The following NALF1 variants were observed in gnomAD, a reference collection of about 807,000 sequenced individuals.
The protein encoded by NALF1 is NALCN channel auxiliary factor 1.
Under a neutral mutation model 48.4 loss-of-function variants are expected in NALF1, and 3 were observed. The ratio of observed to expected loss-of-function variants is 0.06; its 90% CI spans 0.03 to 0.16. NALF1 has a LOEUF of 0.16. NALF1 is among the 10% of genes least tolerant of loss of function. The probability of loss-of-function intolerance (pLI) is 1.00; values close to 1 mark genes in which losing one functional copy is unlikely to be tolerated. For synonymous variants in NALF1, 262 were observed against 245.7 expected (o/e 1.07, Z -0.62); for missense variants, 526 against 571.5 (o/e 0.92, Z 0.81).
intron 1 of NALF1, among the ~76,000 whole-genome samples, chr13:107,278,325 A>T (rs1374436980): frequency 6.6e-6 from 1 of 152,214 alleles, no homozygotes; most frequent in Non-Finnish European, 1.5e-5. Flanking sequence ...TAGACTTTTT[A>T]AAAAATTGGA....
At chr13:107,556,338 CATAT>C (rs770324548) in intron 1 of NALF1, among the ~76,000 whole-genome samples, 15 of 147,586 alleles carry the variant, frequency 1.0e-4, no homozygotes, top group South Asian at 2.1e-4. Context: ...TATACACACA[CATAT>C]ATATATATAG....
intron 1 of NALF1, among the ~76,000 whole-genome samples, chr13:107,456,721 C>A (rs931398363): frequency 1.3e-5 from 2 of 152,132 alleles, no homozygotes; most frequent in Non-Finnish European, 2.9e-5. Context: ...TCCTAGACTT[C>A]AATGCTAGGA....
At chr13:107,746,481 C>T (rs1187812769) in intron 1 of NALF1, among the ~76,000 whole-genome samples, 1 of 152,120 alleles carries the variant, frequency 6.6e-6, no homozygotes, top group East Asian at 1.9e-4. Context: ...TGATTTTTCA[C>T]TGTTTAGTAC....
chr13:107,337,043 CAAAAAAAAAAAAAAAAAAA>C (rs60969406), intron 1 of NALF1, among the ~76,000 whole-genome samples: 3 of 114,824 alleles, frequency 2.6e-5, no homozygotes, highest in Non-Finnish European at 3.4e-5. Context: ...TTTCATTCCC[CAAAAAAAAAAAAAAAAAAA>C]AAAAAAAAAA....
rs552388927 is a variant in NALF1 at position 107,800,235 on chromosome 13, T to C, written c.915+65447A>G. Among the ~76,000 whole-genome samples the C allele has an allele frequency of 5.3e-5, 8 of 152,308 alleles. No homozygotes were observed. In the South Asian group the frequency reaches 1.7e-3, roughly 32 times the overall value. ...TTTACAATTGCACTTTGCCTGGCTGTCGTGAACATGAAAATTAAAGACTGA... is the reference window on the plus strand; with the variant it reads ...TTTACAATTGCACTTTGCCTGGCTGCCGTGAACATGAAAATTAAAGACTGA... On this transcript the variant is annotated intron_variant, in intron 1 of 2. Coordinates refer to ENST00000375915, the MANE Select transcript of NALF1 (RefSeq NM_001080396.3).
chr13:107,501,085 T>G (rs955831995), intron 1 of NALF1, among the ~76,000 whole-genome samples: 1 of 151,826 alleles, frequency 6.6e-6, no homozygotes, highest in Non-Finnish European at 1.5e-5. Flanking sequence ...ACATGTACCC[T>G]AAAACTTAAA....
intron 1 of NALF1, among the ~76,000 whole-genome samples, chr13:107,423,835 T>C (rs1884233535): frequency 6.6e-6 from 1 of 152,210 alleles, no homozygotes. Flanking sequence ...ACATAAGACA[T>C]ATGTATGATC....
chr13:107,546,837 T>A (rs926723976), intron 1 of NALF1, among the ~76,000 whole-genome samples: 3 of 152,174 alleles, frequency 2.0e-5, no homozygotes, highest in African/African-American at 7.2e-5. Context: ...GCACTCAGTA[T>A]ACTTGAGTGC....
intron 1 of NALF1, among the ~76,000 whole-genome samples, chr13:107,852,642 T>C (rs1307471541): frequency 6.6e-6 from 1 of 152,236 alleles, no homozygotes; most frequent in Admixed American, 6.5e-5. Flanking sequence ...GTCTGATTCA[T>C]GTGCTCATTC....
chr13:107,651,529 C>T (rs1880451784), intron 1 of NALF1, among the ~76,000 whole-genome samples: 1 of 152,164 alleles, frequency 6.6e-6, no homozygotes, highest in African/African-American at 2.4e-5. Context: ...AATGCTGTTG[C>T]AATAATGAAA....
intron 1 of NALF1, among the ~76,000 whole-genome samples, chr13:107,315,359 C>T (rs1314795493): frequency 2.0e-5 from 3 of 152,086 alleles, no homozygotes; most frequent in Non-Finnish European, 4.4e-5. Flanking sequence ...GTGATGGATG[C>T]AGCCAAACTC....
chr13:107,805,894 C>G (rs533999596), intron 1 of NALF1, among the ~76,000 whole-genome samples: 1 of 152,004 alleles, frequency 6.6e-6, no homozygotes, highest in East Asian at 1.9e-4. Flanking sequence ...CACAAAATCA[C>G]GGAAAAAATA....
chr13:107,379,067 C>T (rs11838550), intron 1 of NALF1, among the ~76,000 whole-genome samples: 10,321 of 152,174 alleles, frequency 0.068, 1,169 homozygotes, highest in African/African-American at 0.23. Flanking sequence ...TTATTGTACC[C>T]TGAAGAAATA....
intron 1 of NALF1, among the ~76,000 whole-genome samples, chr13:107,806,508 C>T (rs1878795425): frequency 6.6e-6 from 1 of 151,962 alleles, no homozygotes; most frequent in Non-Finnish European, 1.5e-5. Context: ...ATATGATGAG[C>T]TTTGAACAGC....
intron 1 of NALF1, among the ~76,000 whole-genome samples, chr13:107,347,314 T>G (rs1234546111): frequency 6.6e-6 from 1 of 152,246 alleles, no homozygotes; most frequent in Non-Finnish European, 1.5e-5. Flanking sequence ...CACCACCAAC[T>G]GTGTAGCACC....
At chr13:107,474,957 G>A (rs947241033) in intron 1 of NALF1, among the ~76,000 whole-genome samples, 1 of 152,052 alleles carries the variant, frequency 6.6e-6, no homozygotes, top group African/African-American at 2.4e-5. Flanking sequence ...CTTTTAATGA[G>A]GCTGTCACAT....
At chr13:107,232,308 T>C (rs766708558) in intron 1 of NALF1, among the ~76,000 whole-genome samples, 2 of 152,140 alleles carry the variant, frequency 1.3e-5, no homozygotes, top group Non-Finnish European at 2.9e-5. Flanking sequence ...GGTAAGACTA[T>C]CTGATAAAGG....
At position 107,390,766 on chromosome 13, in the gene NALF1, A is replaced by T. The variant is rs531296513; in HGVS notation, c.916-180011T>A. 2.6e-5 allele frequency among the ~76,000 whole-genome samples: 4 copies of T among 152,236 alleles called. No homozygotes were observed. The East Asian group carries it at 7.7e-4, about 29-fold the overall frequency. The stretch of plus-strand genomic sequence containing the variant: ...GATAAAGTAAATTGCCAGACTTCAC[A>T]TAAAAAGGGCAGCCAGAAGTTGCAG... On this transcript the variant is annotated intron_variant, in intron 1 of 2. Coordinates refer to ENST00000375915, the MANE Select transcript of NALF1 (RefSeq NM_001080396.3).
chr13:107,843,787 A>G (rs1880102572), intron 1 of NALF1, among the ~76,000 whole-genome samples: 1 of 152,194 alleles, frequency 6.6e-6, no homozygotes, highest in African/African-American at 2.4e-5. Context: ...AACATAAGCC[A>G]TCTGCGAATG....
Sources: allele counts gnomAD v4.1 joint callset (sites outside exome capture counted in the v4.1 genomes callset), GRCh38; gene constraint gnomAD v4.1.1; transcripts MANE v1.5; gene names NCBI Gene and HGNC (gene_info 2026-07-23, HGNC 2026-07-21).